TCF7L2: variants seen among roughly 807,000 people sequenced by gnomAD.
TCF7L2 encodes transcription factor 7 like 2.
TCF7L2 carries 23 observed loss-of-function variants against 77.9 expected under a neutral mutation model. That is an observed-to-expected ratio of 0.30 (90% CI 0.21 to 0.42). TCF7L2 has a LOEUF of 0.42. Ranked by LOEUF, TCF7L2 falls within the 10% of genes least tolerant of loss-of-function variation. The pLI is 1.00. For missense variants in TCF7L2, 654 were observed against 793.1 expected, an observed-to-expected ratio of 0.82 and a Z score of 2.11; for synonymous variants, 413 against 340.2, an observed-to-expected ratio of 1.21 and a Z score of -2.36.
At chr10:112,953,443 C>T (rs984497278) in intron 3 of TCF7L2, among the ~76,000 whole-genome samples, 2 of 152,144 alleles carry the variant, frequency 1.3e-5, no homozygotes, top group African/African-American at 4.8e-5. Flanking sequence ...CCGTTCGGCT[C>T]AGAATCGCAG....
chr10:113,056,351 T>C (rs2055378135), intron 5 of TCF7L2, among the ~76,000 whole-genome samples: 1 of 152,212 alleles, frequency 6.6e-6, no homozygotes, highest in Non-Finnish European at 1.5e-5. Context: ...AAAATCTTTA[T>C]ATGTTATTTT....
At chr10:113,008,716 T>C (rs535174086) in intron 4 of TCF7L2, among the ~76,000 whole-genome samples, 1 of 152,336 alleles carries the variant, frequency 6.6e-6, no homozygotes, top group Non-Finnish European at 1.5e-5. Context: ...AGTAACACTT[T>C]GTACTGCCTA....
chr10:113,066,354 A>C (rs2057257464), intron 5 of TCF7L2, among the ~76,000 whole-genome samples: 1 of 151,964 alleles, frequency 6.6e-6, no homozygotes. Flanking sequence ...AACAAGAGCA[A>C]AAGTCCGTCT....
At chr10:112,981,554 A>G (rs1296398997) in intron 4 of TCF7L2, among the ~76,000 whole-genome samples, 5 of 152,124 alleles carry the variant, frequency 3.3e-5, no homozygotes, top group African/African-American at 4.8e-5. Flanking sequence ...GGTGTTTCCT[A>G]CCACCACCCT....
chr10:113,148,162 T>C (rs141383914), intron 8 of TCF7L2, among the ~76,000 whole-genome samples: 1 of 152,216 alleles, frequency 6.6e-6, no homozygotes, highest in African/African-American at 2.4e-5. Flanking sequence ...TTAAACACCA[T>C]GGAGAAGCCT....
At chr10:112,959,968 C>G (rs1381558382) in intron 3 of TCF7L2, among the ~76,000 whole-genome samples, 3 of 136,454 alleles carry the variant, frequency 2.2e-5, no homozygotes, top group African/African-American at 8.4e-5. Flanking sequence ...CTAACACCTC[C>G]TAGGAAATGA....
chr10:112,974,144 A>G (rs1050617983), intron 4 of TCF7L2, among the ~76,000 whole-genome samples: 3 of 152,230 alleles, frequency 2.0e-5, no homozygotes, highest in African/African-American at 7.2e-5. Flanking sequence ...GGCCAGATAA[A>G]ATAAAACAAT....
At chr10:112,981,883 G>C (rs2040540123) in intron 4 of TCF7L2, among the ~76,000 whole-genome samples, 1 of 152,192 alleles carries the variant, frequency 6.6e-6, no homozygotes, top group South Asian at 2.1e-4. Flanking sequence ...CTCCTGGTCG[G>C]TGGAAGTCTC....
At chr10:112,963,948 G>C (rs921929616) in intron 3 of TCF7L2, among the ~76,000 whole-genome samples, 1 of 152,222 alleles carries the variant, frequency 6.6e-6, no homozygotes, top group Non-Finnish European at 1.5e-5. Context: ...CTAGAGTGCA[G>C]GCGACAGAGA....
At chr10:113,078,523 AT>A (rs780764810) in intron 5 of TCF7L2, among the ~76,000 whole-genome samples, 2 of 152,110 alleles carry the variant, frequency 1.3e-5, no homozygotes, top group Non-Finnish European at 2.9e-5. Flanking sequence ...GACTACAGTC[AT>A]GTGCCACCAC....
chr10:112,952,883 C>T (rs1327284837), intron 3 of TCF7L2, among the ~76,000 whole-genome samples: 1 of 151,756 alleles, frequency 6.6e-6, no homozygotes, highest in Non-Finnish European at 1.5e-5. Flanking sequence ...CCCTCCCTCC[C>T]TCTTCTAAGA....
At chr10:113,097,680 A>T (rs936259456) in intron 5 of TCF7L2, among the ~76,000 whole-genome samples, 1 of 141,156 alleles carries the variant, frequency 7.1e-6, no homozygotes, top group Non-Finnish European at 1.5e-5. Context: ...AAAAACAACC[A>T]TGAGAAAGAT....
intron 5 of TCF7L2, among the ~76,000 whole-genome samples, chr10:113,099,226 A>G (rs915206096): frequency 3.4e-4 from 52 of 152,372 alleles, no homozygotes; most frequent in African/African-American, 1.2e-3. Context: ...TGCTAACCAT[A>G]TAGGCCTCAG....
At chr10:113,137,171 A>G (rs2067544655) in intron 5 of TCF7L2, among the ~76,000 whole-genome samples, 1 of 152,176 alleles carries the variant, frequency 6.6e-6, no homozygotes, top group Non-Finnish European at 1.5e-5. Context: ...GGAGAGTGCC[A>G]CTAATCATCT....
At chr10:113,161,476 C>G (rs1213290756) in intron 13 of TCF7L2, 2 of 1,295,202 alleles carry the variant, frequency 1.5e-6, no homozygotes, top group East Asian at 5.0e-5. Flanking sequence ...AGTGTAGGTA[C>G]TTCCTTCTTG....
intron 8 of TCF7L2, among the ~76,000 whole-genome samples, chr10:113,147,789 A>G (rs1188439438): frequency 6.6e-6 from 1 of 152,028 alleles, no homozygotes; most frequent in Admixed American, 6.6e-5. Context: ...TAATTGTAGG[A>G]TAGGGATTGG....
chr10:113,045,823 T>G (rs1402127330), intron 5 of TCF7L2, among the ~76,000 whole-genome samples: 2 of 152,148 alleles, frequency 1.3e-5, no homozygotes, highest in African/African-American at 2.4e-5. Context: ...TCTAAAAGAG[T>G]TGACTTGTGT....
intron 4 of TCF7L2, among the ~76,000 whole-genome samples, chr10:112,975,459 G>A (rs946707627): frequency 4.6e-5 from 7 of 151,978 alleles, no homozygotes; most frequent in African/African-American, 1.7e-4. Context: ...TGCATTGTAG[G>A]GTGTTTATTT....
chr10:113,081,266 C>T lies in TCF7L2; in HGVS notation c.552+41140C>T, dbSNP rs530947336. On this transcript the variant is annotated intron_variant, in intron 5 of 13. Transcript: ENST00000627217. ...CAGACCCTCTTCTCCCTCTTGGCCC[C>T]GTGATTCTGCCCAGTAATGTTTACA... Among the ~76,000 whole-genome samples, 19 of 152,334 alleles carry T rather than the reference C, an allele frequency of 1.2e-4. No individual in the cohort carries two copies. In the South Asian group the frequency reaches 2.3e-3, roughly 18 times the overall value.
Sources: allele counts gnomAD v4.1 joint callset (sites outside exome capture counted in the v4.1 genomes callset), GRCh38; gene constraint gnomAD v4.1.1; transcripts MANE v1.5; gene names NCBI Gene and HGNC (gene_info 2026-07-23, HGNC 2026-07-21).